The following ACVR1C variants were observed in gnomAD, a reference collection of about 807,000 sequenced individuals.
The protein encoded by ACVR1C is activin A receptor type 1C, also known as activin receptor type-1C.
A neutral mutation model predicts 57.9 loss-of-function variants in ACVR1C; 23 were observed. The observed-to-expected ratio is 0.40, with a 90% confidence interval of 0.29 to 0.56. The LOEUF is 0.56. Among genes scored for constraint, ACVR1C ranks in the 20% least tolerant of loss-of-function variants. The pLI is 0.50. For missense variants in ACVR1C, 480 were observed against 607.9 expected (o/e 0.79, Z 2.21); for synonymous variants, 214 against 215.3 (o/e 0.99, Z 0.05).
chr2:157,584,839 C>T (rs1225503033), intron 2 of ACVR1C, among the ~76,000 whole-genome samples: 1 of 152,124 alleles, frequency 6.6e-6, no homozygotes, highest in African/African-American at 2.4e-5. Context: ...GAATGCACGT[C>T]AATGGATGAA....
chr2:157,579,515 A>G (rs1415315697), intron 2 of ACVR1C, among the ~76,000 whole-genome samples: 1 of 152,228 alleles, frequency 6.6e-6, no homozygotes, highest in East Asian at 1.9e-4. Context: ...ATGGTTTCCT[A>G]TTCTCTAAAA....
intron 3 of ACVR1C, among the ~76,000 whole-genome samples, chr2:157,553,090 C>T (rs1008334731): frequency 6.6e-6 from 1 of 152,212 alleles, no homozygotes. Flanking sequence ...GTCAAGAATA[C>T]GCTTCACAGT....
At chr2:157,619,161 A>G (rs1682713717) in intron 1 of ACVR1C, among the ~76,000 whole-genome samples, 2 of 151,812 alleles carry the variant, frequency 1.3e-5, no homozygotes, top group South Asian at 4.1e-4. Flanking sequence ...TAAAACAAAC[A>G]CAAATGAATT....
chr2:157,626,794 AAGG>A (rs1682905496), intron 1 of ACVR1C, among the ~76,000 whole-genome samples: 2 of 152,228 alleles, frequency 1.3e-5, no homozygotes, highest in African/African-American at 4.8e-5. Flanking sequence ...AAAACTTCTT[AAGG>A]AGATTTGAAA....
intron 1 of ACVR1C, among the ~76,000 whole-genome samples, chr2:157,622,544 G>C (rs1346738259): frequency 2.0e-5 from 3 of 152,132 alleles, no homozygotes; most frequent in Non-Finnish European, 2.9e-5. Flanking sequence ...AAATGGTCCT[G>C]GGAAAACTGG....
chr2:157,581,699 G>A (rs1008172909), intron 2 of ACVR1C, among the ~76,000 whole-genome samples: 2 of 152,170 alleles, frequency 1.3e-5, no homozygotes, highest in African/African-American at 4.8e-5. Context: ...GAGAGGCAAG[G>A]ATCCACTTGG....
chr2:157,621,094 T>TA (rs977160283), intron 1 of ACVR1C, among the ~76,000 whole-genome samples: 1 of 152,134 alleles, frequency 6.6e-6, no homozygotes, highest in Non-Finnish European at 1.5e-5. Flanking sequence ...TAAATTGTTT[T>TA]AAAAAAATAA....
intron 2 of ACVR1C, among the ~76,000 whole-genome samples, chr2:157,566,938 A>G (rs1347099813): frequency 1.4e-5 from 2 of 143,256 alleles, no homozygotes; most frequent in African/African-American, 2.6e-5. Context: ...AAAAGACAGC[A>G]GTAACCTCTG....
chr2:157,601,188 G>C (rs923553699), intron 1 of ACVR1C, among the ~76,000 whole-genome samples: 2 of 151,936 alleles, frequency 1.3e-5, no homozygotes, highest in African/African-American at 2.4e-5. Context: ...TTGGTGGCAG[G>C]CTCCTGTAAT....
intron 1 of ACVR1C, among the ~76,000 whole-genome samples, chr2:157,596,590 A>G (rs148689067): frequency 1.4e-4 from 22 of 152,360 alleles, no homozygotes; most frequent in Admixed American, 2.6e-4. Flanking sequence ...TTTAAAGCTT[A>G]GAAAATCTCC....
In ACVR1C at chr2:157,541,120, A is replaced by T. The variant is rs780736713; in HGVS notation, c.1195T>A (p.Trp399Arg). 1 of 1,613,952 alleles carries T rather than the reference A, an allele frequency of 6.2e-7. No homozygotes were observed. Among genetic ancestry groups the T allele is most frequent in the Non-Finnish European group, 8.5e-7 (1 of 1,179,986 alleles). ...ADIYSVGLVY[W>R]EIARRCSVGG... ...ACTGAACACCTCCGGGCTATTTCCC[A>T]GTAAACCAGACCAACAGAATAGATG... Residue 399 changes from tryptophan to arginine, a missense_variant, in exon 7 of 9, where the codon TGG becomes AGG. By Grantham distance (101) the Trp-to-Arg change is moderately radical. Coordinates refer to ENST00000243349, the MANE Select transcript of ACVR1C (RefSeq NM_145259.3).
chr2:157,583,651 A>T (rs908077417), intron 2 of ACVR1C, among the ~76,000 whole-genome samples: 1 of 152,208 alleles, frequency 6.6e-6, no homozygotes, highest in African/African-American at 2.4e-5. Flanking sequence ...AAACAGTTTG[A>T]CGATAGTATA....
intron 7 of ACVR1C, 44 bp from the exon 8 acceptor site, chr2:157,538,747 A>C (rs771760726): frequency 5.6e-6 from 8 of 1,426,148 alleles, no homozygotes; most frequent in Non-Finnish European, 7.4e-6. Context: ...CAAATAATAA[A>C]CAAACATGTC....
chr2:157,547,022 G>A, intron 4 of ACVR1C, among the ~76,000 whole-genome samples: 1 of 133,064 alleles, frequency 7.5e-6, no homozygotes, highest in East Asian at 2.2e-4. Flanking sequence ...CTGTGTCCAT[G>A]TGATCTCATT....
intron 2 of ACVR1C, among the ~76,000 whole-genome samples, chr2:157,585,294 AT>A (rs991714188): frequency 6.6e-6 from 1 of 152,264 alleles, no homozygotes; most frequent in Non-Finnish European, 1.5e-5. Context: ...TAAAGAAACT[AT>A]TTTTTTGTAA....
intron 2 of ACVR1C, among the ~76,000 whole-genome samples, chr2:157,565,722 A>G (rs1272756224): frequency 6.6e-6 from 1 of 152,204 alleles, no homozygotes; most frequent in Non-Finnish European, 1.5e-5. Context: ...CTATTTGCAT[A>G]AACGATCTTC....
chr2:157,544,802 C>T (rs1338337717), intron 4 of ACVR1C, among the ~76,000 whole-genome samples, 190 bp from the exon 5 acceptor site: 1 of 152,156 alleles, frequency 6.6e-6, no homozygotes, highest in Non-Finnish European at 1.5e-5. Flanking sequence ...TATGTTGGAA[C>T]TTGTTATATG....
At chr2:157,547,626 G>C (rs1266030977) in intron 4 of ACVR1C, among the ~76,000 whole-genome samples, 1 of 141,714 alleles carries the variant, frequency 7.1e-6, no homozygotes, top group Non-Finnish European at 1.5e-5. Flanking sequence ...CTTTTGAGAA[G>C]TGTCTGTTCA....
In ACVR1C at chr2:157,550,427, A is replaced by C. The variant is rs150543368; in HGVS notation, c.545-35T>G. 634 of 1,577,098 alleles carry C rather than the reference A, an allele frequency of 4.0e-4. 1 individual carries two copies. In the African/African-American group the frequency reaches 7.0e-3, roughly 17 times the overall value. ...GAAAAGATGGAATTGATAATTAAAC[A>C]CAAATGTCAGAAAAGAACTCTCAAT... On this transcript the variant is annotated intron_variant, in intron 3 of 8. Coordinates refer to ENST00000243349, the MANE Select transcript of ACVR1C (RefSeq NM_145259.3).
Sources: allele counts gnomAD v4.1 joint callset (sites outside exome capture counted in the v4.1 genomes callset), GRCh38; gene constraint gnomAD v4.1.1; transcripts MANE v1.5; gene names NCBI Gene and HGNC (gene_info 2026-07-23, HGNC 2026-07-21).